Variants in EBF1 observed in about 807,000 individuals in gnomAD.
EBF1 encodes EBF transcription factor 1.
In EBF1, 10 loss-of-function variants were observed where a neutral mutation model predicts 68.4. That is an observed-to-expected ratio of 0.15 (90% CI 0.09 to 0.25). EBF1 has a LOEUF of 0.25. EBF1 is among the 10% of genes least tolerant of loss of function. The probability of loss-of-function intolerance (pLI) is 1.00; values close to 1 mark genes in which losing one functional copy is unlikely to be tolerated. For missense variants in EBF1, 509 were observed against 794.4 expected (o/e 0.64, Z 4.32); for synonymous variants, 298 against 299.8 (o/e 0.99, Z 0.06).
intron 6 of EBF1, among the ~76,000 whole-genome samples, chr5:159,019,296 A>T (rs1766211918): frequency 1.3e-5 from 2 of 152,252 alleles, no homozygotes; most frequent in African/African-American, 4.8e-5. Context: ...AACATTTAAC[A>T]GGAGAATATT....
At chr5:159,046,459 A>G (rs1314472647) in intron 6 of EBF1, among the ~76,000 whole-genome samples, 3 of 152,234 alleles carry the variant, frequency 2.0e-5, no homozygotes, top group African/African-American at 7.2e-5. Context: ...AATGTGTAAG[A>G]GCCATGGGCC....
At chr5:158,924,335 G>A (rs1044541368) in intron 6 of EBF1, among the ~76,000 whole-genome samples, 7 of 152,156 alleles carry the variant, frequency 4.6e-5, no homozygotes, top group Admixed American at 3.9e-4. Flanking sequence ...TCTGTAACAT[G>A]CAGGTCCTTT....
intron 6 of EBF1, among the ~76,000 whole-genome samples, chr5:159,038,177 C>T (rs1029708591): frequency 2.6e-5 from 4 of 152,154 alleles, no homozygotes; most frequent in Non-Finnish European, 4.4e-5. Flanking sequence ...ACTCACGGCC[C>T]ACCATCACCA....
chr5:159,078,804 T>C (rs2127963338), intron 5 of EBF1, among the ~76,000 whole-genome samples: 1 of 152,308 alleles, frequency 6.6e-6, no homozygotes, highest in Admixed American at 6.5e-5. Flanking sequence ...CCCAAACAAT[T>C]CTGCACATCC....
At chr5:158,961,571 T>C (rs1370903457) in intron 6 of EBF1, among the ~76,000 whole-genome samples, 1 of 151,678 alleles carries the variant, frequency 6.6e-6, no homozygotes, top group Non-Finnish European at 1.5e-5. Context: ...AGTTCTGATA[T>C]ATACAGAGAA....
rs768269936 is a variant in EBF1 at position 159,096,336 on chromosome 5, G to T, written c.355+7C>A. ...GGGTGAGGCCATAGACCCGACCCGGGCCTCACCATTGCTGTAGAGAAGCTG... is the reference window on the plus strand; with the variant it reads ...GGGTGAGGCCATAGACCCGACCCGGTCCTCACCATTGCTGTAGAGAAGCTG... On this transcript the variant is annotated splice_region_variant and intron_variant, in intron 3 of 15. Transcript: ENST00000313708. 1.9e-6 allele frequency: 3 copies of T among 1,612,838 alleles called. No homozygotes were observed. The highest frequency in any genetic ancestry group is 2.5e-6 in the Non-Finnish European group (3 of 1,179,558).
chr5:158,897,024 C>T (rs1452997830), intron 6 of EBF1, among the ~76,000 whole-genome samples: 1 of 152,126 alleles, frequency 6.6e-6, no homozygotes, highest in Non-Finnish European at 1.5e-5. Flanking sequence ...ACAGCCAGTT[C>T]ATATTTGTTA....
intron 9 of EBF1, among the ~76,000 whole-genome samples, chr5:158,784,438 G>C (rs1410424438): frequency 6.6e-6 from 1 of 152,102 alleles, no homozygotes; most frequent in Non-Finnish European, 1.5e-5. Context: ...TGGGAACATA[G>C]TGGCCACTCA....
intron 7 of EBF1, among the ~76,000 whole-genome samples, chr5:158,839,237 G>C (rs1171557533): frequency 6.6e-6 from 1 of 152,120 alleles, no homozygotes; most frequent in East Asian, 1.9e-4. Flanking sequence ...CTTCTTAACA[G>C]GGCCATTTAT....
intron 6 of EBF1, among the ~76,000 whole-genome samples, chr5:159,048,184 G>A (rs754177227): frequency 5.9e-5 from 9 of 152,182 alleles, no homozygotes; most frequent in Non-Finnish European, 1.0e-4. Context: ...TGCACTTCTT[G>A]ATGGACTCAA....
At chr5:158,954,252 C>T in intron 6 of EBF1, among the ~76,000 whole-genome samples, 1 of 151,706 alleles carries the variant, frequency 6.6e-6, no homozygotes, top group East Asian at 1.9e-4. Context: ...GCTAAAGAGT[C>T]ACTCTGACGC....
intron 6 of EBF1, among the ~76,000 whole-genome samples, chr5:159,047,903 G>A (rs1157719748): frequency 6.6e-6 from 1 of 152,136 alleles, no homozygotes; most frequent in Admixed American, 6.5e-5. Flanking sequence ...AAGGACACAT[G>A]TTCAGCATCT....
At chr5:159,023,508 C>T (rs986481393) in intron 6 of EBF1, among the ~76,000 whole-genome samples, 4 of 152,174 alleles carry the variant, frequency 2.6e-5, no homozygotes, top group Non-Finnish European at 5.9e-5. Context: ...CTGTGTTCCA[C>T]GGTCTGAAAA....
At chr5:158,963,717 C>A (rs1753534784) in intron 6 of EBF1, among the ~76,000 whole-genome samples, 1 of 152,164 alleles carries the variant, frequency 6.6e-6, no homozygotes, top group Non-Finnish European at 1.5e-5. Context: ...AAAAGGCACC[C>A]ATCCAGCTAT....
intron 8 of EBF1, among the ~76,000 whole-genome samples, chr5:158,808,365 A>G (rs1249430112): frequency 6.6e-6 from 1 of 152,126 alleles, no homozygotes; most frequent in African/African-American, 2.4e-5. Flanking sequence ...CAGTCTACCT[A>G]TCAAAACCCA....
intron 6 of EBF1, among the ~76,000 whole-genome samples, chr5:159,034,943 A>G (rs1372105229): frequency 1.3e-5 from 2 of 152,234 alleles, no homozygotes; most frequent in Non-Finnish European, 2.9e-5. Context: ...AGACCAGTCA[A>G]TAAAAATCTG....
At chr5:158,836,876 G>A (rs896130071) in intron 7 of EBF1, among the ~76,000 whole-genome samples, 7 of 152,160 alleles carry the variant, frequency 4.6e-5, no homozygotes, top group Non-Finnish European at 4.4e-5. Flanking sequence ...CTCTATGGTG[G>A]CCAAGGTAGC....
chr5:158,781,468 G>A (rs957802567), intron 9 of EBF1, among the ~76,000 whole-genome samples: 2 of 151,658 alleles, frequency 1.3e-5, no homozygotes, highest in African/African-American at 4.8e-5. Flanking sequence ...TGATCTCTTT[G>A]GCTAAGCATC....
chr5:158,863,210 T>C (rs1173333266), intron 6 of EBF1, among the ~76,000 whole-genome samples: 1 of 152,108 alleles, frequency 6.6e-6, no homozygotes, highest in African/African-American at 2.4e-5. Context: ...CCCATGTAAG[T>C]CCTCACCCCT....
Sources: allele counts gnomAD v4.1 joint callset (sites outside exome capture counted in the v4.1 genomes callset), GRCh38; gene constraint gnomAD v4.1.1; transcripts MANE v1.5; gene names NCBI Gene and HGNC (gene_info 2026-07-23, HGNC 2026-07-21).